TBXT: variants seen among roughly 807,000 people sequenced by gnomAD.
TBXT encodes the protein T brachyury transcription factor.
TBXT carries 19 observed loss-of-function variants against 41.1 expected under a neutral mutation model. That is an observed-to-expected ratio of 0.46 (90% CI 0.32 to 0.68). The LOEUF is 0.68. Among genes scored for constraint, TBXT ranks in the 30% least tolerant of loss-of-function variants. The pLI, the probability that TBXT is intolerant of heterozygous loss-of-function variation, is 0.03. For synonymous variants in TBXT, 213 were observed against 238.9 expected (o/e 0.89, Z 1.00); for missense variants, 536 against 582.0 (o/e 0.92, Z 0.81).
Position 166,167,728 on chromosome 6 carries a change from C to A in TBXT, c.-137G>T. ...GAGACCTGCGACGGCTCCCGGGTCC[C>A]GGGTCCCGGCACAGACCCGGGAGGA... is the stretch of plus-strand genomic sequence containing the variant. On this transcript the variant is annotated 5_prime_UTR_variant, in exon 1 of 8. Transcript: ENST00000366876. 1 of 1,174,104 alleles carries A rather than the reference C, an allele frequency of 8.5e-7. No individual in the cohort carries two copies. Among genetic ancestry groups the A allele is most frequent in the South Asian group, 1.3e-5 (1 of 74,218 alleles). The allele number at this position is 1,174,104 out of a possible 1,614,324, so 72.7% of individuals were successfully genotyped here. A position where few individuals can be genotyped will look rare whatever the true frequency, so the allele number is the denominator to read the frequency against.
At chr6:166,162,253 T>G (rs563033457) in intron 6 of TBXT, among the ~76,000 whole-genome samples, 194 bp downstream of exon 6, 1 of 152,372 alleles carries the variant, frequency 6.6e-6, no homozygotes, top group South Asian at 2.1e-4. Flanking sequence ...TGTCCGTGGT[T>G]GTTCCGCCAG....
At position 166,162,623 on chromosome 6, in the gene TBXT, G is replaced by T. The variant is rs762990244; in HGVS notation, c.731C>A (p.Ser244Ter). ...GDSQQPGYSQSGGWLLPGTST... is the reference protein window; with the variant it reads ...GDSQQPGYSQ ...GGTTCCAGGAAGAAGCCACCCCCCT[G>T]CTGTGAGAAAAGACAGTGCTGAGTA... The change falls in exon 6 of 8, where the codon TCA (serine) becomes TAA (stop). Residue 244 changes from serine to a stop codon, truncating the protein, a stop_gained and splice_region_variant. Coordinates refer to ENST00000366876, the MANE Select transcript of TBXT (RefSeq NM_001366285.2). LOFTEE classifies it high-confidence loss of function. The T allele has an allele frequency of 1.2e-6, 2 of 1,610,344 alleles. No individual in the cohort carries two copies. The highest frequency in any genetic ancestry group is 1.7e-6 in the Non-Finnish European group (2 of 1,178,088).
chr6:166,162,540 G>C lies in TBXT; in HGVS notation c.814C>G (p.Pro272Ala), dbSNP rs1190530341. ...HPQFGGALSL[P>A]STHSCDRYPT... is the part of the protein sequence containing the mutation. ...TACCTGTCACAGCTGTGCGTGGAGG[G>C]GAGGGAGAGGGCACCTCCAAACTGA... is the stretch of plus-strand genomic sequence containing the variant. Residue 272 changes from proline to alanine, a missense_variant, in exon 6 of 8, where the codon CCC becomes GCC. Physicochemically the swap from Pro to Ala is conservative, Grantham distance 27. Coordinates refer to ENST00000366876, the MANE Select transcript of TBXT (RefSeq NM_001366285.2). The C allele has an allele frequency of 6.2e-7, 1 of 1,614,020 alleles. No homozygotes were observed. Among genetic ancestry groups the C allele is most frequent in the Admixed American group, 1.7e-5 (1 of 60,006 alleles).
intron 7 of TBXT, among the ~76,000 whole-genome samples, chr6:166,159,580 G>A (rs1035892425): frequency 6.6e-6 from 1 of 152,232 alleles, no homozygotes; most frequent in Non-Finnish European, 1.5e-5. Context: ...GGCATAAAAT[G>A]AGGAAGGTGG....
intron 5 of TBXT, among the ~76,000 whole-genome samples, chr6:166,164,388 C>T (rs1779049407): frequency 6.6e-6 from 1 of 152,236 alleles, no homozygotes; most frequent in Non-Finnish European, 1.5e-5. Context: ...AAAACAAAAG[C>T]ACCCAGGAGA....
In TBXT at chr6:166,166,600, C is replaced by T. The variant is rs1381701792; in HGVS notation, c.463G>A (p.Gly155Arg). 6.2e-7 allele frequency: 1 copy of T among 1,614,024 alleles called. No homozygotes were observed. The highest frequency in any genetic ancestry group is 8.5e-7 in the Non-Finnish European group (1 of 1,179,980). The part of the protein sequence containing the change: ...KVKLTNKLNG[G>R]GQIMLNSLHK... The stretch of plus-strand genomic sequence containing the variant: ...GGGCTCCTCACACCTACCTGGCCCC[C>T]TCCGTTGAGCTTGTTGGTGAGCTTG... Residue 155 changes from glycine (G) to arginine (R), a missense_variant, in exon 2 of 8, where the codon GGG becomes AGG. Transcript: ENST00000366876.
At chr6:166,163,187 G>C (rs931624005) in intron 5 of TBXT, among the ~76,000 whole-genome samples, 1 of 152,170 alleles carries the variant, frequency 6.6e-6, no homozygotes, top group Non-Finnish European at 1.5e-5. Context: ...TGAGAGAGGT[G>C]GGGTGGTGCT....
chr6:166,165,918 CAG>C, intron 2 of TBXT, 78 bp from the exon 3 acceptor site: 1 of 1,600,060 alleles, frequency 6.2e-7, no homozygotes, highest in Non-Finnish European at 8.5e-7. Flanking sequence ...CTCCAGGATG[CAG>C]AAAGTCCTCT....
intron 7 of TBXT, among the ~76,000 whole-genome samples, chr6:166,160,529 C>A (rs1042377999): frequency 6.6e-6 from 1 of 152,012 alleles, no homozygotes; most frequent in East Asian, 1.9e-4. Context: ...ATCACGTGAA[C>A]CAGTAAGTGG....
At chr6:166,163,692 A>C (rs1365286632) in intron 5 of TBXT, among the ~76,000 whole-genome samples, 2 of 152,104 alleles carry the variant, frequency 1.3e-5, no homozygotes, top group Non-Finnish European at 2.9e-5. Context: ...CCTCTTCTAC[A>C]CTCTTCAAGC....
chr6:166,160,651 G>A (rs987076621), intron 7 of TBXT, among the ~76,000 whole-genome samples, 186 bp downstream of exon 7: 5 of 152,124 alleles, frequency 3.3e-5, no homozygotes, highest in African/African-American at 1.2e-4. Flanking sequence ...CTGCAAACAG[G>A]AACTCGGCAG....
intron 6 of TBXT, among the ~76,000 whole-genome samples, chr6:166,161,453 CT>C (rs992477341): frequency 1.3e-5 from 2 of 152,188 alleles, no homozygotes; most frequent in African/African-American, 4.8e-5. Flanking sequence ...TTCAAATCAG[CT>C]TTAATTGCTT....
At position 166,158,189 on chromosome 6, in the gene TBXT, A is replaced by G; in HGVS notation, c.*126T>C. 6.8e-7 allele frequency: 1 copy of G among 1,463,832 alleles called. No homozygotes were observed. The highest frequency in any genetic ancestry group is 9.5e-7 in the Non-Finnish European group (1 of 1,051,014). 90.7% of individuals were successfully genotyped at this position (1,463,832 alleles called of 1,614,324 possible). On this transcript the variant is annotated 3_prime_UTR_variant, in exon 8 of 8. Transcript: ENST00000366876. ...TGCTCCTCCACTGCTTTGAAAAGGAAGTTACTGAGGCTGCATTTCCTTCTT... is the reference window on the plus strand; with the variant it reads ...TGCTCCTCCACTGCTTTGAAAAGGAGGTTACTGAGGCTGCATTTCCTTCTT...
intron 7 of TBXT, among the ~76,000 whole-genome samples, chr6:166,160,111 C>A (rs1288354920): frequency 6.6e-6 from 1 of 152,214 alleles, no homozygotes; most frequent in African/African-American, 2.4e-5. Context: ...CATTTAATAT[C>A]TCTGGCCCTC....
chr6:166,162,771 A>T (rs1255012249), intron 5 of TBXT, 148 bp from the exon 6 acceptor site: 1 of 545,990 alleles, frequency 1.8e-6, no homozygotes, highest in Non-Finnish European at 3.4e-6. Context: ...CAGAGAGCAG[A>T]GCCCAGGCCA....
chr6:166,161,058 T>C, intron 6 of TBXT, 92 bp from the exon 7 acceptor site: 1 of 1,527,894 alleles, frequency 6.5e-7, no homozygotes. Flanking sequence ...TGAAGCTACG[T>C]AACACTGAAA....
intron 7 of TBXT, 41 bp from the exon 8 acceptor site, chr6:166,158,629 G>A (rs745851783): frequency 1.6e-4 from 229 of 1,457,356 alleles, no homozygotes; most frequent in Non-Finnish European, 2.0e-4. Context: ...CTGGGCAGGG[G>A]CTGCAGGCCA....
intron 7 of TBXT, among the ~76,000 whole-genome samples, chr6:166,158,875 C>T (rs1028442569): frequency 2.0e-5 from 3 of 152,186 alleles, no homozygotes; most frequent in African/African-American, 7.2e-5. Context: ...AGTTTCACTG[C>T]GAAAGACTCA....
At chr6:166,159,356 C>T (rs572250666) in intron 7 of TBXT, among the ~76,000 whole-genome samples, 1 of 152,220 alleles carries the variant, frequency 6.6e-6, no homozygotes, top group South Asian at 2.1e-4. Context: ...AGCCTCTCCT[C>T]AAACACTAAG....
Sources: allele counts gnomAD v4.1 joint callset (sites outside exome capture counted in the v4.1 genomes callset), GRCh38; gene constraint gnomAD v4.1.1; transcripts MANE v1.5; gene names NCBI Gene and HGNC (gene_info 2026-07-23, HGNC 2026-07-21).